PGS1: variants seen among roughly 807,000 people sequenced by gnomAD.
PGS1 encodes phosphatidylglycerophosphate synthase 1, also known as CDP-diacylglycerol--glycerol-3-phosphate 3-phosphatidyltransferase, mitochondrial.
Under a neutral mutation model 58.3 loss-of-function variants are expected in PGS1, and 44 were observed. The ratio of observed to expected loss-of-function variants is 0.75; its 90% confidence interval spans 0.59 to 0.97. The LOEUF (loss-of-function observed/expected upper bound fraction) is 0.97, where lower values mean the gene tolerates loss of function less well. Ranked by LOEUF, PGS1 falls within the 50% of genes least tolerant of loss-of-function variation. PGS1 has a pLI of 0.00. For synonymous variants in PGS1, 330 were observed against 311.0 expected (o/e 1.06, Z -0.64); for missense variants, 684 against 731.1 (o/e 0.94, Z 0.74).
chr17:78,395,069 G>A (rs116442982), intron 2 of PGS1, among the ~76,000 whole-genome samples: 4,651 of 152,240 alleles, frequency 0.031, 216 homozygotes, highest in African/African-American at 0.1. Context: ...TGAAGTGTGG[G>A]CAGATTCTTC....
chr17:78,399,079 G>A (rs897797687), intron 4 of PGS1, among the ~76,000 whole-genome samples: 1 of 152,224 alleles, frequency 6.6e-6, no homozygotes, highest in Non-Finnish European at 1.5e-5. Context: ...GGAGAAGGTT[G>A]GGTGCAGTTA....
At chr17:78,421,197 A>C (rs1304641050) in intron 9 of PGS1, 1 of 152,196 alleles carries the variant, frequency 6.6e-6, no homozygotes, top group Admixed American at 6.5e-5. Context: ...CATATCCCCC[A>C]GTGTCTCCAG....
At chr17:78,385,311 T>G (rs1352615999) in intron 1 of PGS1, among the ~76,000 whole-genome samples, 1 of 146,582 alleles carries the variant, frequency 6.8e-6, no homozygotes, top group Admixed American at 6.8e-5. Flanking sequence ...TTTTTTGAGA[T>G]GGAGTCTCGT....
chr17:78,424,219 G>C lies in PGS1; in HGVS notation c.*169G>C, dbSNP rs1208244641. ...TAAGTGAGGGAGGGGCTGGCAGGAA[G>C]GGTGGGGTCCTCACACTCCCCGCCC... On this transcript the variant is annotated 3_prime_UTR_variant, in exon 10 of 10. Coordinates refer to ENST00000262764, the MANE Select transcript of PGS1 (RefSeq NM_024419.5). 1.9e-5 allele frequency: 29 copies of C among 1,542,216 alleles called. No individual in the cohort carries two copies. The highest frequency in any genetic ancestry group is 2.4e-5 in the Non-Finnish European group (27 of 1,147,396).
At chr17:78,415,639 T>C (rs1294016988) in intron 8 of PGS1, among the ~76,000 whole-genome samples, 15 of 152,180 alleles carry the variant, frequency 9.9e-5, no homozygotes, top group Admixed American at 9.8e-4. Context: ...TCTCAAAAAA[T>C]AAAAGGGTTC....
Position 78,403,644 on chromosome 17 carries a change from G to T in PGS1, c.957G>T (p.Gln319His). The change falls in exon 7 of 10, where the codon CAG (glutamine) becomes CAT (histidine). Residue 319 changes from glutamine to histidine, a missense_variant. Physicochemically the swap from Gln to His is conservative, Grantham distance 24. Coordinates refer to ENST00000262764, the MANE Select transcript of PGS1 (RefSeq NM_024419.5). ...DVINSARTRQ[Q>H]MLHAQTFHSN... ...TCAACTCAGCCAGGACCCGCCAGCAGATGCTGCATGCCCAGACCTTCCACA... is the reference window on the plus strand; with the variant it reads ...TCAACTCAGCCAGGACCCGCCAGCATATGCTGCATGCCCAGACCTTCCACA... The T allele has an allele frequency of 6.2e-7, 1 of 1,614,192 alleles. No homozygotes were observed. The highest frequency in any genetic ancestry group is 8.5e-7 in the Non-Finnish European group (1 of 1,180,046).
chr17:78,417,522 C>T (rs1032660643), intron 8 of PGS1, among the ~76,000 whole-genome samples: 4 of 152,038 alleles, frequency 2.6e-5, no homozygotes, highest in African/African-American at 9.7e-5. Flanking sequence ...ATGGGAAAAG[C>T]CAAGGCCACA....
At chr17:78,389,523 G>A (rs1464604255) in intron 1 of PGS1, among the ~76,000 whole-genome samples, 1 of 151,820 alleles carries the variant, frequency 6.6e-6, no homozygotes, top group Non-Finnish European at 1.5e-5. Context: ...GTTTCATCGT[G>A]TTGGCCAGGC....
chr17:78,423,372 T>G (rs2086119878), intron 9 of PGS1, among the ~76,000 whole-genome samples: 2 of 152,134 alleles, frequency 1.3e-5, no homozygotes, highest in Admixed American at 6.5e-5. Context: ...TCCTTACTTG[T>G]AAAAGGTCCT....
intron 6 of PGS1, 111 bp from the exon 7 acceptor site, chr17:78,403,457 C>A: frequency 8.8e-7 from 1 of 1,132,286 alleles, no homozygotes; most frequent in Non-Finnish European, 1.3e-6. Context: ...GTTCAGTGAA[C>A]ATCCAGTTGT....
At chr17:78,393,253 G>C (rs940741339) in intron 2 of PGS1, among the ~76,000 whole-genome samples, 1 of 151,036 alleles carries the variant, frequency 6.6e-6, no homozygotes, top group Non-Finnish European at 1.5e-5. Flanking sequence ...GTAGAGATGG[G>C]GTTTCACTGT....
Position 78,390,505 on chromosome 17 carries a change from A to G in PGS1, c.144-1971A>G, listed in dbSNP as rs541161439. 1.8e-4 allele frequency among the ~76,000 whole-genome samples: 28 copies of G among 152,330 alleles called. No homozygotes were observed. The South Asian group carries it at 3.5e-3, about 19-fold the overall frequency. ...GCTGTGGGCCATCTGTTGTCTGTGCAGGGACATTTACGAAGCCTGGGAAGA... is the reference window on the plus strand; with the variant it reads ...GCTGTGGGCCATCTGTTGTCTGTGCGGGGACATTTACGAAGCCTGGGAAGA... On this transcript the variant is annotated intron_variant, in intron 1 of 9. Coordinates refer to ENST00000262764, the MANE Select transcript of PGS1 (RefSeq NM_024419.5).
At chr17:78,387,235 C>T (rs1172715885) in intron 1 of PGS1, among the ~76,000 whole-genome samples, 2 of 151,634 alleles carry the variant, frequency 1.3e-5, no homozygotes, top group Non-Finnish European at 2.9e-5. Context: ...ATCTCCTGGC[C>T]TCAGGTGATC....
chr17:78,381,620 G>T (rs1418638833), intron 1 of PGS1, among the ~76,000 whole-genome samples: 1 of 152,148 alleles, frequency 6.6e-6, no homozygotes, highest in Non-Finnish European at 1.5e-5. Flanking sequence ...GTAACTCGCT[G>T]ATCATTGATT....
chr17:78,396,201 G>T (rs1222144000), intron 2 of PGS1, 107 bp from the exon 3 acceptor site: 3 of 791,748 alleles, frequency 3.8e-6, no homozygotes, highest in Non-Finnish European at 6.7e-6. Flanking sequence ...GAAGACATAG[G>T]ATAGTTCAGC....
At chr17:78,402,144 A>G (rs1323704672) in intron 6 of PGS1, among the ~76,000 whole-genome samples, 1 of 152,142 alleles carries the variant, frequency 6.6e-6, no homozygotes, top group Admixed American at 6.5e-5. Flanking sequence ...TCAACAGGCT[A>G]GACTCCTGCA....
intron 9 of PGS1, chr17:78,423,639 C>T (rs767732868): frequency 1.6e-5 from 7 of 440,262 alleles, no homozygotes; most frequent in South Asian, 1.3e-4. Flanking sequence ...GGGGCCTTTC[C>T]CCAAAGCCTG....
At chr17:78,385,053 G>A (rs2082284576) in intron 1 of PGS1, among the ~76,000 whole-genome samples, 1 of 152,246 alleles carries the variant, frequency 6.6e-6, no homozygotes, top group South Asian at 2.1e-4. Context: ...CGCAGCTGCA[G>A]AACGGTGAAG....
chr17:78,422,338 G>A (rs1338370721), intron 9 of PGS1, among the ~76,000 whole-genome samples: 2 of 152,114 alleles, frequency 1.3e-5, no homozygotes, highest in African/African-American at 4.8e-5. Flanking sequence ...CCCTCCGATA[G>A]CCCTACTGGG....
Sources: gnomAD v4.1 joint callset for allele counts (sites outside exome capture counted in the v4.1 genomes callset) on GRCh38, gnomAD v4.1.1 for gene constraint, MANE v1.5 for transcripts, NCBI Gene and HGNC (gene_info 2026-07-23, HGNC 2026-07-21) for gene names.